Variants in CLN8 observed in about 807,000 individuals in gnomAD.
CLN8 encodes CLN8 transmembrane ER and ERGIC protein.
A neutral mutation model predicts 15.7 loss-of-function variants in CLN8; 14 were observed. That is an observed-to-expected ratio of 0.89 (90% CI 0.59 to 1.39). The LOEUF is 1.39. Among genes scored for constraint, CLN8 ranks in the 40% most tolerant of loss-of-function variants. The probability of loss-of-function intolerance (pLI) is 0.00; values close to 1 mark genes in which losing one functional copy is unlikely to be tolerated. For synonymous variants in CLN8, 188 were observed against 151.0 expected, an observed-to-expected ratio of 1.25 and a Z score of -1.80; for missense variants, 415 against 364.0, an observed-to-expected ratio of 1.14 and a Z score of -1.14.
At chr8:1,779,221 C>G (rs1212477544) in intron 2 of CLN8, among the ~76,000 whole-genome samples, 1 of 152,142 alleles carries the variant, frequency 6.6e-6, no homozygotes, top group Non-Finnish European at 1.5e-5. Context: ...TTCAAAAACA[C>G]CAGAAGAACG....
Position 1,770,810 on chromosome 8 carries a change from G to C in CLN8, c.-123-122G>C, listed in dbSNP as rs924823645. On this transcript the variant is annotated intron_variant, in intron 1 of 2. Transcript: ENST00000331222. ...TACCTTGGTATGTTTATGCACCCTT[G>C]TAAGTTCATTAAGAATAAGGTACAG... 5.1e-6 allele frequency: 3 copies of C among 592,326 alleles called. No individual in the cohort carries two copies. The African/African-American group carries it at 5.6e-5, about 11-fold the overall frequency. The allele number at this position is 592,326 out of a possible 1,614,324, so 36.7% of individuals were successfully genotyped here.
chr8:1,778,870 A>C (rs1201797745), intron 2 of CLN8, among the ~76,000 whole-genome samples: 1 of 152,206 alleles, frequency 6.6e-6, no homozygotes, highest in East Asian at 1.9e-4. Context: ...ACATCCCAAT[A>C]AGCCCACCAT....
At chr8:1,765,074 C>T (rs1338661894) in intron 1 of CLN8, 1 of 152,316 alleles carries the variant, frequency 6.6e-6, no homozygotes, top group East Asian at 1.9e-4. Flanking sequence ...TCAGATTGGC[C>T]GTCATGGAGG....
Position 1,780,414 on chromosome 8 carries a change from C to A in CLN8, c.708C>A (p.Val236=), listed in dbSNP as rs200760828. The A allele has an allele frequency of 6.2e-7, 1 of 1,614,218 alleles. No homozygotes were observed. Among genetic ancestry groups the A allele is most frequent in the South Asian group, 1.1e-5 (1 of 91,088 alleles). Residue 236 remains valine (V), a synonymous_variant, in exon 3 of 3, where the codon GTC becomes GTA. Transcript: ENST00000331222. ...TGCCTCATTTGACACTGTTCCTTGT[C>A]GGACTGGCTCTGCTTACGCTAATCA... is the stretch of plus-strand genomic sequence containing the variant. The part of the protein sequence containing the change: ...LYLPHLTLFL[V]GLALLTLIIN...
chr8:1,759,474 C>G (rs1287315674), upstream of CLN8: 1 of 152,144 alleles, frequency 6.6e-6, no homozygotes, highest in Non-Finnish European at 1.5e-5. Context: ...AGGATTCGTG[C>G]CACAGGCAGG....
At chr8:1,763,752 G>GAACGCGCGTGCGCACGCGCGTC (rs1563102127), upstream of CLN8, 42 of 141,296 alleles carry the variant, frequency 3.0e-4, no homozygotes, top group South Asian at 4.5e-4. Flanking sequence ...GCACGCGCGT[G>GAACGCGCGTGCGCACGCGCGTC]CGAACGCGCG....
At chr8:1,754,020 A>G (rs533316007), upstream of CLN8, among the ~76,000 whole-genome samples, 3 of 152,280 alleles carry the variant, frequency 2.0e-5, no homozygotes, top group South Asian at 6.2e-4. Context: ...GCCTTTCTTC[A>G]TTGTCCAAGA....
chr8:1,766,191 A>T (rs1431280738), intron 1 of CLN8, among the ~76,000 whole-genome samples: 3 of 152,184 alleles, frequency 2.0e-5, no homozygotes, highest in African/African-American at 7.2e-5. Context: ...GAATCTTATA[A>T]GACAAGCTTT....
At chr8:1,776,830 C>G (rs1341473523) in intron 2 of CLN8, among the ~76,000 whole-genome samples, 3 of 152,214 alleles carry the variant, frequency 2.0e-5, no homozygotes, top group African/African-American at 7.2e-5. Flanking sequence ...CATTTGGCCT[C>G]AGACTGAGTC....
At position 1,770,978 on chromosome 8, in the gene CLN8, C is replaced by G. The variant is rs1338928412; in HGVS notation, c.-77C>G. The G allele has an allele frequency of 2.6e-5, 36 of 1,394,188 alleles. No homozygotes were observed. Among genetic ancestry groups the G allele is most frequent in the Non-Finnish European group, 3.7e-5 (36 of 985,506 alleles). The allele number at this position is 1,394,188 out of a possible 1,614,324, so 86.4% of individuals were successfully genotyped here. On this transcript the variant is annotated 5_prime_UTR_variant, in exon 2 of 3. Coordinates refer to ENST00000331222, the MANE Select transcript of CLN8 (RefSeq NM_018941.4). ...ATCCCAGGGACCGCTGCACTGACTT[C>G]ATTTCCTTAGACAAGACACAGTGTA...
chr8:1,777,434 T>TA (rs534202647), intron 2 of CLN8, among the ~76,000 whole-genome samples: 1 of 152,106 alleles, frequency 6.6e-6, no homozygotes, highest in African/African-American at 2.4e-5. Flanking sequence ...TAAATTTATA[T>TA]AAAAAAATTT....
upstream of CLN8, among the ~76,000 whole-genome samples, chr8:1,754,830 C>T (rs111311203): frequency 6.6e-6 from 1 of 152,192 alleles, no homozygotes; most frequent in Non-Finnish European, 1.5e-5. Flanking sequence ...CAGCGCATGT[C>T]TGGGTTCAGC....
At chr8:1,754,803 G>T (rs1800629972), upstream of CLN8, among the ~76,000 whole-genome samples, 1 of 152,202 alleles carries the variant, frequency 6.6e-6, no homozygotes, top group African/African-American at 2.4e-5. Context: ...AGGCTTGGTG[G>T]CTCAGTGGAT....
intron 1 of CLN8, among the ~76,000 whole-genome samples, chr8:1,767,675 G>A (rs969684475): frequency 6.9e-6 from 1 of 144,674 alleles, no homozygotes; most frequent in African/African-American, 2.6e-5. Flanking sequence ...GGGTTCAAGC[G>A]ATTCTCCTGC....
chr8:1,757,943 G>A (rs1800709961), intron 1 of CLN8, among the ~76,000 whole-genome samples: 1 of 152,104 alleles, frequency 6.6e-6, no homozygotes, highest in Admixed American at 6.6e-5. Flanking sequence ...TCATGTTGGA[G>A]GAGACTTTAG....
upstream of CLN8, chr8:1,761,988 C>A (rs1202568970): frequency 6.6e-6 from 1 of 152,202 alleles, no homozygotes; most frequent in African/African-American, 2.4e-5. Flanking sequence ...GCAGTCTAGT[C>A]TCCAGACAAG....
At chr8:1,757,428 A>G (rs1337521481) in intron 1 of CLN8, among the ~76,000 whole-genome samples, 1 of 152,158 alleles carries the variant, frequency 6.6e-6, no homozygotes, top group Non-Finnish European at 1.5e-5. Flanking sequence ...GATCTTGTCA[A>G]GGCACTTTTT....
chr8:1,761,268 G>C (rs1800789930), upstream of CLN8, among the ~76,000 whole-genome samples: 1 of 151,546 alleles, frequency 6.6e-6, no homozygotes, highest in Admixed American at 6.6e-5. Context: ...TGGCTGTGCG[G>C]GAGACCAGAG....
chr8:1,753,855 C>T (rs1457770175), upstream of CLN8, among the ~76,000 whole-genome samples: 5 of 151,266 alleles, frequency 3.3e-5, no homozygotes, highest in African/African-American at 9.7e-5. Context: ...CATTGCACTC[C>T]AGCCTGAGTG....
Sources: gnomAD v4.1 joint callset for allele counts (sites outside exome capture counted in the v4.1 genomes callset) on GRCh38, gnomAD v4.1.1 for gene constraint, MANE v1.5 for transcripts, NCBI Gene and HGNC (gene_info 2026-07-23, HGNC 2026-07-21) for gene names.